Variants in API5 observed in about 807,000 individuals in gnomAD.
API5 encodes the protein apoptosis inhibitor 5.
API5 carries 6 observed loss-of-function variants against 71.9 expected under a neutral mutation model. The observed-to-expected ratio is 0.08, with a 90% CI of 0.05 to 0.16. The LOEUF is 0.16. Among genes scored for constraint, API5 ranks in the 10% least tolerant of loss-of-function variants. The pLI, the probability that API5 is intolerant of heterozygous loss-of-function variation, is 1.00. For missense variants in API5, 332 were observed against 612.8 expected (o/e 0.54, Z 4.84); for synonymous variants, 189 against 221.3 (o/e 0.85, Z 1.30).
At chr11:43,313,229 A>G (rs777532807) in intron 1 of API5, among the ~76,000 whole-genome samples, 3 of 152,086 alleles carry the variant, frequency 2.0e-5, no homozygotes, top group Non-Finnish European at 2.9e-5. Flanking sequence ...AGTTGTCTGG[A>G]AGAGCTCTCT....
At chr11:43,325,745 C>T (rs1042075046) in intron 6 of API5, among the ~76,000 whole-genome samples, 3 of 152,050 alleles carry the variant, frequency 2.0e-5, no homozygotes, top group African/African-American at 4.8e-5. Flanking sequence ...ATTCTGAAGA[C>T]AAAACACAGT....
At chr11:43,335,503 T>C in intron 12 of API5, 149 bp downstream of exon 12, 1 of 597,710 alleles carries the variant, frequency 1.7e-6, no homozygotes, top group South Asian at 2.4e-5. Context: ...AAAATCTAAT[T>C]TCAATATTTG....
chr11:43,318,559 C>CT, intron 1 of API5, 81 bp from the exon 2 acceptor site: 1 of 1,586,118 alleles, frequency 6.3e-7, no homozygotes. Context: ...AAAGCACACT[C>CT]TAACATGTTT....
intron 1 of API5, among the ~76,000 whole-genome samples, chr11:43,317,692 G>A (rs1854718544): frequency 6.6e-6 from 1 of 152,134 alleles, no homozygotes; most frequent in Admixed American, 6.5e-5. Context: ...TTATTTACTT[G>A]TTTAAGATAG....
At chr11:43,336,510 C>T (rs73547391) in intron 13 of API5, among the ~76,000 whole-genome samples, 20,739 of 152,160 alleles carry the variant, frequency 0.14, 3,750 homozygotes, top group African/African-American at 0.42. Context: ...GCAGTCTCTC[C>T]CTCTGCCCAG....
intron 6 of API5, among the ~76,000 whole-genome samples, chr11:43,325,479 TGAA>T (rs1178552505): frequency 6.6e-6 from 1 of 152,220 alleles, no homozygotes; most frequent in Non-Finnish European, 1.5e-5. Context: ...ATGCCCTAAA[TGAA>T]GAAGACCGAT....
Position 43,313,466 on chromosome 11 carries a change from C to T in API5, c.69+1270C>T, listed in dbSNP as rs1420834745. Among the ~76,000 whole-genome samples the T allele has an allele frequency of 2.0e-5, 3 of 152,194 alleles. No homozygotes were observed. In the East Asian group the frequency reaches 5.8e-4, roughly 29 times the overall value. On this transcript the variant is annotated intron_variant, in intron 1 of 13. Coordinates refer to ENST00000531273, the MANE Select transcript of API5 (RefSeq NM_001142930.2). ...CAGCGCTTAGAACTTTGTGATTTTT[C>T]TGCTTACGCATCCCTTCTTGGAGAA...
rs558586937 is a variant in API5 at position 43,315,387 on chromosome 11, GTATTTATT to G, written c.69+3208_69+3215del. 9.9e-5 allele frequency among the ~76,000 whole-genome samples: 15 copies of G among 151,868 alleles called. No individual in the cohort carries two copies. In the East Asian group the frequency reaches 1.2e-3, roughly 12 times the overall value. On this transcript the variant is annotated intron_variant, in intron 1 of 13. Transcript: ENST00000531273. The stretch of plus-strand genomic sequence containing the variant: ...CGTCTCAAGGGTTAAATCCTTTTAT[GTATTTATT>G]TATTTATTTATTTATTGCTTCTCTT...
chr11:43,330,334 G>A (rs1855211498), intron 10 of API5, 174 bp from the exon 11 acceptor site: 4 of 653,984 alleles, frequency 6.1e-6, no homozygotes, highest in Non-Finnish European at 1.1e-5. Context: ...ATCTAGATTT[G>A]TTTAGAGTCA....
At chr11:43,321,358 G>A in intron 3 of API5, 53 bp from the exon 4 acceptor site, 1 of 1,417,242 alleles carries the variant, frequency 7.1e-7, no homozygotes, top group Non-Finnish European at 9.9e-7. Flanking sequence ...AACTGAAGCA[G>A]ATGATATTTT....
At chr11:43,333,808 G>A (rs1241007405) in intron 11 of API5, among the ~76,000 whole-genome samples, 4 of 152,242 alleles carry the variant, frequency 2.6e-5, no homozygotes, top group African/African-American at 7.2e-5. Flanking sequence ...GAAGGCAACG[G>A]TCATGCATCA....
chr11:43,322,718 G>A (rs571177700), intron 5 of API5, among the ~76,000 whole-genome samples: 1 of 152,234 alleles, frequency 6.6e-6, no homozygotes, highest in East Asian at 1.9e-4. Flanking sequence ...TTTATCTAAA[G>A]CATGTGATCA....
rs1854905019 is a variant in API5 at position 43,321,902 on chromosome 11, G to A, written c.392-83G>A. 1.2e-5 allele frequency: 16 copies of A among 1,348,462 alleles called. No individual in the cohort carries two copies. The South Asian group carries it at 2.5e-4, about 21-fold the overall frequency. The allele number at this position is 1,348,462 out of a possible 1,614,324, so 83.5% of individuals were successfully genotyped here. On this transcript the variant is annotated intron_variant, in intron 4 of 13. Transcript: ENST00000531273. ...GGAAGTTCATTAACTTATTTGAGAAGAAATACTATAAATTGAGTTAAATGG... is the reference window on the plus strand; with the variant it reads ...GGAAGTTCATTAACTTATTTGAGAAAAAATACTATAAATTGAGTTAAATGG...
At position 43,322,264 on chromosome 11, in the gene API5, C is replaced by G. The variant is rs142818175; in HGVS notation, c.543+128C>G. On this transcript the variant is annotated intron_variant, in intron 5 of 13. Coordinates refer to ENST00000531273, the MANE Select transcript of API5 (RefSeq NM_001142930.2). Reference sequence around the variant, plus strand: ...TATATCATATATCCCATTGGAACCACCATAGAACTTCTAAGTTTTTCTTAG... The same window carrying G: ...TATATCATATATCCCATTGGAACCAGCATAGAACTTCTAAGTTTTTCTTAG... The G allele has an allele frequency of 3.5e-5, 29 of 837,752 alleles. No homozygotes were observed. The South Asian group carries it at 1.1e-3, about 31-fold the overall frequency. 51.9% of individuals were successfully genotyped at this position (837,752 alleles called of 1,614,324 possible).
At chr11:43,333,519 T>C (rs1240322579) in intron 11 of API5, among the ~76,000 whole-genome samples, 1 of 152,202 alleles carries the variant, frequency 6.6e-6, no homozygotes, top group Non-Finnish European at 1.5e-5. Context: ...AACATAGATA[T>C]ATGACTGGCT....
intron 6 of API5, among the ~76,000 whole-genome samples, chr11:43,324,896 C>A (rs192804362): frequency 6.6e-6 from 1 of 152,116 alleles, no homozygotes; most frequent in Admixed American, 6.5e-5. Flanking sequence ...CCAGGCTGCT[C>A]TCGCACTCCT....
chr11:43,328,934 G>A (rs752055946), intron 9 of API5, 41 bp downstream of exon 9: 3 of 1,604,110 alleles, frequency 1.9e-6, no homozygotes, highest in Non-Finnish European at 2.6e-6. Flanking sequence ...GGCAAAGGTG[G>A]TAGCTATCCT....
chr11:43,321,299 A>G lies in API5; in HGVS notation c.326-112A>G, dbSNP rs915546871. 6.7e-5 allele frequency: 60 copies of G among 892,172 alleles called. No individual in the cohort carries two copies. The African/African-American group carries it at 9.9e-4, about 15-fold the overall frequency. The allele number at this position is 892,172 out of a possible 1,614,324, so 55.3% of individuals were successfully genotyped here. Reference sequence around the variant, plus strand: ...TACTTGAGGGAATGGCTTAAGTTATAAGTTTCCTGTCAATGTAACCTTGAG... The same window carrying G: ...TACTTGAGGGAATGGCTTAAGTTATGAGTTTCCTGTCAATGTAACCTTGAG... On this transcript the variant is annotated intron_variant, in intron 3 of 13. Coordinates refer to ENST00000531273, the MANE Select transcript of API5 (RefSeq NM_001142930.2).
At chr11:43,339,617 T>A (rs1056845359) in intron 13 of API5, among the ~76,000 whole-genome samples, 4 of 152,220 alleles carry the variant, frequency 2.6e-5, no homozygotes, top group Non-Finnish European at 5.9e-5. Flanking sequence ...ATGCTTAGTT[T>A]ATATCAGTAG....
Sources: allele counts gnomAD v4.1 joint callset (sites outside exome capture counted in the v4.1 genomes callset), GRCh38; gene constraint gnomAD v4.1.1; transcripts MANE v1.5; gene names NCBI Gene and HGNC (gene_info 2026-07-23, HGNC 2026-07-21).